Variants in DYSF observed in about 807,000 individuals in gnomAD.
DYSF encodes the protein dystrophy-associated fer-1-like 1.
In DYSF, 212 loss-of-function variants were observed where a neutral mutation model predicts 274.9. The observed-to-expected ratio is 0.77, with a 90% CI of 0.69 to 0.86. The LOEUF is 0.86. Among genes scored for constraint, DYSF ranks in the 40% least tolerant of loss-of-function variants. The pLI, the probability that DYSF is intolerant of heterozygous loss-of-function variation, is 0.00. For synonymous variants in DYSF, 1,091 were observed against 1,078.7 expected (o/e 1.01, Z -0.22); for missense variants, 2,666 against 2,783.2 (o/e 0.96, Z 0.95).
chr2:71,512,400 G>GTTCCA (rs2086193958), intron 5 of DYSF, among the ~76,000 whole-genome samples: 1 of 152,218 alleles, frequency 6.6e-6, no homozygotes, highest in Non-Finnish European at 1.5e-5. Flanking sequence ...GAACTTCAGG[G>GTTCCA]TTCCAGTCCT....
At chr2:71,676,172 T>G (rs115863942) in intron 52 of DYSF, among the ~76,000 whole-genome samples, 2,013 of 152,266 alleles carry the variant, frequency 0.013, 41 homozygotes, top group African/African-American at 0.044. Context: ...TTTCCTTAAC[T>G]CTGAGAAGTA....
At chr2:71,625,515 T>C (rs1398372888) in intron 41 of DYSF, among the ~76,000 whole-genome samples, 1 of 152,164 alleles carries the variant, frequency 6.6e-6, no homozygotes, top group African/African-American at 2.4e-5. Flanking sequence ...CTCTATTCTG[T>C]TCCATTGGTC....
chr2:71,571,702 TCA>T (rs1478042703), intron 29 of DYSF, among the ~76,000 whole-genome samples: 1 of 93,388 alleles, frequency 1.1e-5, no homozygotes, highest in Admixed American at 1.4e-4. Flanking sequence ...CATGCACAGA[TCA>T]CAGTCAGCAC....
At chr2:71,567,837 T>C in intron 24 of DYSF, 114 bp from the exon 25 acceptor site, 1 of 1,483,782 alleles carries the variant, frequency 6.7e-7, no homozygotes, top group Non-Finnish European at 9.2e-7. Flanking sequence ...ACACTCCCAG[T>C]GAGGGTGTCA....
In DYSF at chr2:71,657,011, C is replaced by G. The variant is rs1301705284; in HGVS notation, c.4755+721C>G. 4.6e-5 allele frequency among the ~76,000 whole-genome samples: 7 copies of G among 152,154 alleles called. No homozygotes were observed. The East Asian group carries it at 1.3e-3, about 29-fold the overall frequency. On this transcript the variant is annotated intron_variant, in intron 43 of 55. Coordinates refer to ENST00000410020, the MANE Select transcript of DYSF (RefSeq NM_001130987.2). ...AAAGTTAACTCATTTCAGCATTAAC[C>G]CAAAAGTCCACAGTCCAAAGTCTCA...
At chr2:71,479,583 T>C (rs2082715591) in intron 1 of DYSF, among the ~76,000 whole-genome samples, 1 of 152,222 alleles carries the variant, frequency 6.6e-6, no homozygotes, top group Non-Finnish European at 1.5e-5. Context: ...TGCCCACTGC[T>C]GTAGAACCTA....
intron 41 of DYSF, among the ~76,000 whole-genome samples, chr2:71,623,201 T>C (rs561681567): frequency 1.3e-5 from 2 of 151,988 alleles, no homozygotes; most frequent in Non-Finnish European, 2.9e-5. Context: ...GTACTTTAGG[T>C]TTTAGGGTAC....
chr2:71,677,078 T>C (rs1241858338), intron 52 of DYSF, among the ~76,000 whole-genome samples: 1 of 152,202 alleles, frequency 6.6e-6, no homozygotes, highest in Non-Finnish European at 1.5e-5. Context: ...AATGCCGATA[T>C]ACAGTTGAAT....
chr2:71,664,156 A>T (rs2094954017), intron 45 of DYSF, 112 bp from the exon 46 acceptor site: 1 of 1,368,638 alleles, frequency 7.3e-7, no homozygotes. Flanking sequence ...TAAGATCTGT[A>T]GGGGGCCCAA....
At chr2:71,506,941 A>G (rs1004861490) in intron 4 of DYSF, among the ~76,000 whole-genome samples, 1 of 152,140 alleles carries the variant, frequency 6.6e-6, no homozygotes, top group African/African-American at 2.4e-5. Context: ...AAGGGCCCAG[A>G]GCAACCCGGA....
At chr2:71,520,284 T>C in intron 11 of DYSF, 76 bp downstream of exon 11, 4 of 1,459,084 alleles carry the variant, frequency 2.7e-6, no homozygotes, top group Non-Finnish European at 3.9e-6. Context: ...TTTGGGGTCC[T>C]CACTGTCCCT....
rs369376652 is a variant in DYSF at position 71,649,687 on chromosome 2, A to T, written c.4626+5624A>T. On this transcript the variant is annotated intron_variant, in intron 42 of 55. Coordinates refer to ENST00000410020, the MANE Select transcript of DYSF (RefSeq NM_001130987.2). Reference sequence around the variant, plus strand: ...GAAAGTGGACCGTGCAAAGATTAAAAAAAAAGAACCTATGAAATGAGGAAA... The same window carrying T: ...GAAAGTGGACCGTGCAAAGATTAAATAAAAAGAACCTATGAAATGAGGAAA... Among the ~76,000 whole-genome samples, 5 of 152,226 alleles carry T rather than the reference A, an allele frequency of 3.3e-5. No homozygotes were observed. In the East Asian group the frequency reaches 9.6e-4, roughly 29 times the overall value.
At chr2:71,618,304 TG>T (rs202242136) in intron 40 of DYSF, among the ~76,000 whole-genome samples, 3 of 38,024 alleles carry the variant, frequency 7.9e-5, no homozygotes, top group Non-Finnish European at 1.5e-4. Flanking sequence ...GTGGTAGAGG[TG>T]GTGTGTGTGT....
rs144636654 is a variant in DYSF at position 71,569,911 on chromosome 2, A to T, written c.2956A>T (p.Met986Leu). The change falls in exon 27 of 56, where the codon ATG becomes TTG. Residue 986 changes from methionine (M) to leucine (L), a missense_variant. Met to Leu is a conservative substitution (Grantham distance 15, BLOSUM62 2). Around this residue, in one of 3 missense-constraint regions of DYSF, gnomAD observed 1,460 missense variants for 1,502.1 expected, o/e 0.97. Transcript: ENST00000410020. ...TRLPGGQWIYMSDNYTDVNGE... is the reference protein window; with the variant it reads ...TRLPGGQWIYLSDNYTDVNGE... The stretch of plus-strand genomic sequence containing the variant: ...GCTTCCCGGAGGCCAGTGGATCTAC[A>T]TGAGTGACAACTACACCGATGTGGT... 2,966 of 1,614,090 alleles carry T rather than the reference A, an allele frequency of 1.8e-3. 9 individuals are homozygous for T. Among genetic ancestry groups the T allele is most frequent in the Non-Finnish European group, 2.2e-3 (2,652 of 1,179,994 alleles).
chr2:71,672,972 G>A (rs1316804807), intron 51 of DYSF, among the ~76,000 whole-genome samples: 4 of 152,320 alleles, frequency 2.6e-5, no homozygotes, highest in African/African-American at 9.6e-5. Context: ...CATGGTCTTC[G>A]GTTCGGGAGC....
chr2:71,662,499 T>A, intron 45 of DYSF, among the ~76,000 whole-genome samples: 1 of 143,784 alleles, frequency 7.0e-6, no homozygotes, highest in African/African-American at 2.7e-5. Flanking sequence ...TGTGTGTATG[T>A]GTGTGTATAT....
At chr2:71,478,502 C>A (rs552420617) in intron 1 of DYSF, among the ~76,000 whole-genome samples, 1 of 152,092 alleles carries the variant, frequency 6.6e-6, no homozygotes, top group South Asian at 2.1e-4. Flanking sequence ...TGAGCCACCG[C>A]GCCCGGCCCA....
At chr2:71,558,978 G>A (rs1354091305) in intron 22 of DYSF, among the ~76,000 whole-genome samples, 1 of 152,172 alleles carries the variant, frequency 6.6e-6, no homozygotes, top group Non-Finnish European at 1.5e-5. Context: ...GGCCCTGAGC[G>A]AACTCAGGCC....
chr2:71,597,711 AG>A (rs1459204542), intron 32 of DYSF, among the ~76,000 whole-genome samples: 2 of 152,182 alleles, frequency 1.3e-5, no homozygotes, highest in Admixed American at 6.5e-5. Flanking sequence ...GGCGTGGCCA[AG>A]GCTGGCAGGC....
Sources: gnomAD v4.1 joint callset for allele counts (sites outside exome capture counted in the v4.1 genomes callset) on GRCh38, gnomAD v4.1.1 for gene constraint, gnomAD v4.1.1 regional missense constraint, MANE v1.5 for transcripts, NCBI Gene and HGNC (gene_info 2026-07-23, HGNC 2026-07-21) for gene names.